ANO4: variants seen among roughly 807,000 people sequenced by gnomAD.
The protein encoded by ANO4 is anoctamin-4.
Under a neutral mutation model 141.9 loss-of-function variants are expected in ANO4, and 69 were observed. The observed-to-expected ratio is 0.49, with a 90% confidence interval of 0.40 to 0.59. The LOEUF is 0.59. ANO4 is among the 20% of genes least tolerant of loss of function. The probability of loss-of-function intolerance (pLI) is 0.00; values close to 1 mark genes in which losing one functional copy is unlikely to be tolerated. For missense variants in ANO4, 894 were observed against 1,162.2 expected, an observed-to-expected ratio of 0.77 and a Z score of 3.36; for synonymous variants, 350 against 394.3, an observed-to-expected ratio of 0.89 and a Z score of 1.33.
intron 13 of ANO4, among the ~76,000 whole-genome samples, chr12:101,044,328 T>C (rs948693962): frequency 2.0e-5 from 3 of 152,166 alleles, no homozygotes; most frequent in African/African-American, 7.2e-5. Context: ...AGAAAAAAAA[T>C]ACATGACACC....
intron 13 of ANO4, among the ~76,000 whole-genome samples, chr12:101,046,421 C>G (rs944641685): frequency 6.6e-6 from 1 of 152,172 alleles, no homozygotes; most frequent in Non-Finnish European, 1.5e-5. Context: ...GGGAGAGAGG[C>G]TAGAGTAGAG....
intron 1 of ANO4, among the ~76,000 whole-genome samples, chr12:100,857,464 A>C (rs2038236509): frequency 6.6e-6 from 1 of 152,026 alleles, no homozygotes; most frequent in African/African-American, 2.4e-5. Flanking sequence ...CATAATCCCT[A>C]CTCAAGGAAA....
At chr12:100,879,363 GAGA>G (rs1308969419) in intron 1 of ANO4, among the ~76,000 whole-genome samples, 1 of 152,142 alleles carries the variant, frequency 6.6e-6, no homozygotes, top group East Asian at 1.9e-4. Flanking sequence ...TCCACTAATG[GAGA>G]AGATGACTTT....
chr12:100,872,514 A>G (rs78597949), intron 1 of ANO4, among the ~76,000 whole-genome samples: 1 of 152,212 alleles, frequency 6.6e-6, no homozygotes, highest in Admixed American at 6.5e-5. Flanking sequence ...ATGATTAGCT[A>G]TGGGATTAAC....
At chr12:101,077,061 AC>A (rs1292643983) in intron 14 of ANO4, among the ~76,000 whole-genome samples, 1 of 152,184 alleles carries the variant, frequency 6.6e-6, no homozygotes, top group South Asian at 2.1e-4. Context: ...TGATGCATAA[AC>A]TACATGTGCC....
intron 15 of ANO4, among the ~76,000 whole-genome samples, chr12:101,081,427 C>G (rs1166345163): frequency 2.6e-5 from 4 of 152,088 alleles, no homozygotes; most frequent in African/African-American, 9.7e-5. Context: ...AAGTGTGGAG[C>G]CTTCTGTCTT....
Position 100,956,865 on chromosome 12 carries a change from A to G in ANO4, c.456+14330A>G, listed in dbSNP as rs114594332. Among the ~76,000 whole-genome samples the G allele has an allele frequency of 9.9e-3, 1,513 of 152,318 alleles. 24 individuals are homozygous for G. Among genetic ancestry groups the G allele is most frequent in the African/African-American group, 0.035 (1,435 of 41,568 alleles). On this transcript the variant is annotated intron_variant, in intron 5 of 27. Coordinates refer to ENST00000392977, the MANE Select transcript of ANO4 (RefSeq NM_001286615.2). ...GATTCCTTATGTCACATAATGTTTT[A>G]CTTAGTTGACAGAACACAGTTAAGC...
chr12:100,752,672 T>A (rs189905655), intron 3 of ANO4, among the ~76,000 whole-genome samples: 2 of 152,256 alleles, frequency 1.3e-5, no homozygotes, highest in East Asian at 3.9e-4. Context: ...ATTATTAATG[T>A]TCATTTCAAA....
At chr12:100,908,287 T>A (rs2040937935) in intron 2 of ANO4, among the ~76,000 whole-genome samples, 1 of 152,160 alleles carries the variant, frequency 6.6e-6, no homozygotes, top group Non-Finnish European at 1.5e-5. Flanking sequence ...AGGCGGAGGT[T>A]GCGGTGTGCC....
chr12:101,104,514 T>C (rs2050330949), intron 22 of ANO4, among the ~76,000 whole-genome samples: 1 of 150,338 alleles, frequency 6.7e-6, no homozygotes, highest in South Asian at 2.1e-4. Flanking sequence ...GATATATTGC[T>C]CTGTCATTGA....
chr12:100,777,270 T>TA (rs1491193599), intron 3 of ANO4, among the ~76,000 whole-genome samples: 1 of 44,836 alleles, frequency 2.2e-5, no homozygotes, highest in Non-Finnish European at 4.2e-5. Context: ...TTTTTGTATC[T>TA]TTTTTTTTTT....
chr12:100,799,007 C>G (rs2034519472), intron 1 of ANO4, among the ~76,000 whole-genome samples: 1 of 152,176 alleles, frequency 6.6e-6, no homozygotes, highest in Admixed American at 6.5e-5. Context: ...CTCTGAGTGT[C>G]AGAGAGGGAG....
intron 1 of ANO4, chr12:100,859,151 T>C (rs1196221510): frequency 6.6e-6 from 1 of 152,154 alleles, no homozygotes; most frequent in African/African-American, 2.4e-5. Flanking sequence ...ACAGTATCGT[T>C]CCGTGCTAGT....
intron 14 of ANO4, among the ~76,000 whole-genome samples, chr12:101,049,914 C>G (rs1050956994): frequency 6.6e-5 from 10 of 152,086 alleles, no homozygotes; most frequent in Admixed American, 5.9e-4. Flanking sequence ...TCTGCCCAGA[C>G]AAGGACTGGT....
Position 101,029,841 on chromosome 12 carries a change from C to CA in ANO4, c.842-7253dup, listed in dbSNP as rs566264163. On this transcript the variant is annotated intron_variant, in intron 9 of 27. Transcript: ENST00000392977. ...AGGAGAATTGCTTGAGCCCGGGAGA[C>CA]AGAGATTGCAGTGAGCCTAGATCAC... Among the ~76,000 whole-genome samples, 361 of 138,790 alleles carry CA rather than the reference C, an allele frequency of 2.6e-3. 1 individual carries two copies. The highest frequency in any genetic ancestry group is 9.7e-3 in the African/African-American group (349 of 36,152). The allele number at this position is 138,790 out of a possible 152,430, so 91.1% of individuals were successfully genotyped here. A position where few individuals can be genotyped will look rare whatever the true frequency, so the allele number is the denominator to read the frequency against.
At chr12:100,946,605 G>A (rs146061965) in intron 5 of ANO4, among the ~76,000 whole-genome samples, 7 of 152,252 alleles carry the variant, frequency 4.6e-5, no homozygotes, top group African/African-American at 1.4e-4. Flanking sequence ...ACAGGGATGC[G>A]GAAAAGAGTA....
intron 11 of ANO4, among the ~76,000 whole-genome samples, chr12:101,040,763 C>T (rs1329089972): frequency 1.3e-5 from 2 of 151,412 alleles, no homozygotes; most frequent in East Asian, 1.9e-4. Flanking sequence ...TAGCCCCCCA[C>T]CCCCCATAGG....
At chr12:101,046,195 G>T (rs1356987093) in intron 13 of ANO4, among the ~76,000 whole-genome samples, 1 of 152,248 alleles carries the variant, frequency 6.6e-6, no homozygotes, top group Non-Finnish European at 1.5e-5. Context: ...ACTTTCCCTT[G>T]ATTGTAATCT....
chr12:100,839,984 C>T (rs576918424), intron 1 of ANO4, among the ~76,000 whole-genome samples: 1 of 152,068 alleles, frequency 6.6e-6, no homozygotes, highest in African/African-American at 2.4e-5. Flanking sequence ...GCTAGTGCAT[C>T]GTACTTCTGG....
Sources: gnomAD v4.1 joint callset for allele counts (sites outside exome capture counted in the v4.1 genomes callset) on GRCh38, gnomAD v4.1.1 for gene constraint, MANE v1.5 for transcripts, NCBI Gene and HGNC (gene_info 2026-07-23, HGNC 2026-07-21) for gene names.